ABCA13: variants seen among roughly 807,000 people sequenced by gnomAD.
ABCA13 encodes the protein ATP-binding cassette sub-family A member 13.
A neutral mutation model predicts 478.7 loss-of-function variants in ABCA13; 476 were observed. The ratio of observed to expected loss-of-function variants is 0.99; its 90% CI spans 0.92 to 1.07. The LOEUF (loss-of-function observed/expected upper bound fraction) is 1.07. ABCA13 is among the 50% of genes least tolerant of loss of function. The probability of loss-of-function intolerance (pLI) is 0.00; values close to 1 mark genes in which losing one functional copy is unlikely to be tolerated. For missense variants in ABCA13, 6,060 were observed against 5,910.6 expected, an observed-to-expected ratio of 1.03 and a Z score of -0.83; for synonymous variants, 2,252 against 2,158.9, an observed-to-expected ratio of 1.04 and a Z score of -1.20.
At chr7:48,595,599 T>C (rs529133095) in intron 58 of ABCA13, among the ~76,000 whole-genome samples, 8 of 152,226 alleles carry the variant, frequency 5.3e-5, no homozygotes, top group Non-Finnish European at 1.2e-4. Context: ...AAGACTTTAT[T>C]GCTCACAGCA....
intron 35 of ABCA13, among the ~76,000 whole-genome samples, chr7:48,382,787 A>G (rs1222536392): frequency 6.7e-6 from 1 of 149,178 alleles, no homozygotes. Flanking sequence ...GGTCATCTGT[A>G]CTAGAATGAA....
At chr7:48,219,100 A>T (rs1265062330) in intron 3 of ABCA13, among the ~76,000 whole-genome samples, 3 of 152,224 alleles carry the variant, frequency 2.0e-5, no homozygotes, top group Non-Finnish European at 4.4e-5. Context: ...TGGCTTATAA[A>T]CATAAAATGG....
chr7:48,576,723 C>T (rs1788223122), intron 55 of ABCA13, among the ~76,000 whole-genome samples: 1 of 151,854 alleles, frequency 6.6e-6, no homozygotes, highest in South Asian at 2.1e-4. Flanking sequence ...CTAGGCAAAC[C>T]CAAAGACAAC....
Position 48,279,956 on chromosome 7 carries a change from C to G in ABCA13, c.8726+36C>G, listed in dbSNP as rs1487243524. ...AGCTGAATTCACTTTGTTTTTTTCT[C>G]TACCGCAGTAGCTATAAAATAGAAC... On this transcript the variant is annotated intron_variant, in intron 18 of 61. Transcript: ENST00000435803. 4 of 1,491,126 alleles carry G rather than the reference C, an allele frequency of 2.7e-6. No individual in the cohort carries two copies. In the African/African-American group the frequency reaches 5.6e-5, roughly 21 times the overall value. 92.4% of individuals were successfully genotyped at this position (1,491,126 alleles called of 1,614,324 possible).
chr7:48,539,522 C>T (rs1334618758), intron 55 of ABCA13, among the ~76,000 whole-genome samples: 6 of 152,098 alleles, frequency 3.9e-5, no homozygotes, highest in Admixed American at 2.6e-4. Flanking sequence ...ACCCAGTTTT[C>T]ACAATAATCA....
chr7:48,374,396 T>C lies in ABCA13; in HGVS notation c.11183T>C (p.Phe3728Ser). 1 of 1,610,272 alleles carries C rather than the reference T, an allele frequency of 6.2e-7. No homozygotes were observed. Among genetic ancestry groups the C allele is most frequent in the Non-Finnish European group, 8.5e-7 (1 of 1,178,436 alleles). The change falls in exon 34 of 62, where the codon TTC (phenylalanine) becomes TCC (serine). Residue 3728 changes from phenylalanine (F) to serine (S), a missense_variant. Transcript: ENST00000435803. ...AFGQGVFFIT[F>S]LEGQETGIQW... ...GGACAAGGGGTATTTTTTATTACAT[T>C]CCTGGAAGGACAAGAGACAGGTAAG...
intron 3 of ABCA13, among the ~76,000 whole-genome samples, chr7:48,198,641 TCTTGA>T (rs1193721729): frequency 6.6e-6 from 1 of 152,218 alleles, no homozygotes; most frequent in African/African-American, 2.4e-5. Flanking sequence ...AGGTTAAAAC[TCTTGA>T]CTTCAAAATT....
intron 48 of ABCA13, among the ~76,000 whole-genome samples, chr7:48,490,740 T>C (rs1563343172): frequency 6.6e-6 from 1 of 152,230 alleles, no homozygotes; most frequent in Non-Finnish European, 1.5e-5. Context: ...AAAGATTGTT[T>C]AAGATCAAAT....
At chr7:48,368,675 G>A (rs1175932353) in intron 32 of ABCA13, among the ~76,000 whole-genome samples, 1 of 109,212 alleles carries the variant, frequency 9.2e-6, no homozygotes, top group African/African-American at 3.6e-5. Flanking sequence ...CATGGTGTGT[G>A]TGTGTGTATG....
chr7:48,181,542 T>G (rs968484731), intron 1 of ABCA13, among the ~76,000 whole-genome samples: 1 of 151,190 alleles, frequency 6.6e-6, no homozygotes, highest in African/African-American at 2.4e-5. Context: ...ACTTGTGAGT[T>G]GTATAATGTT....
chr7:48,620,413 C>T (rs796473267), intron 59 of ABCA13, among the ~76,000 whole-genome samples: 1 of 152,162 alleles, frequency 6.6e-6, no homozygotes, highest in Admixed American at 6.5e-5. Flanking sequence ...GTCTTAACTT[C>T]GTTTCTGCAG....
Position 48,210,341 on chromosome 7 carries a change from C to T in ABCA13, c.288-9013C>T, listed in dbSNP as rs571541264. On this transcript the variant is annotated intron_variant, in intron 3 of 61. Coordinates refer to ENST00000435803, the MANE Select transcript of ABCA13 (RefSeq NM_152701.5). Reference sequence around the variant, plus strand: ...GATCTAATTACCTCCCATGAAGTCCCTCCCACAACACATAGGGATTACAAT... The same window carrying T: ...GATCTAATTACCTCCCATGAAGTCCTTCCCACAACACATAGGGATTACAAT... Among the ~76,000 whole-genome samples, 16 of 152,260 alleles carry T rather than the reference C, an allele frequency of 1.1e-4. No homozygotes were observed. The East Asian group carries it at 2.9e-3, about 28-fold the overall frequency.
chr7:48,582,474 G>A (rs1266794049), intron 56 of ABCA13, among the ~76,000 whole-genome samples: 4 of 152,154 alleles, frequency 2.6e-5, no homozygotes, highest in Non-Finnish European at 5.9e-5. Flanking sequence ...AGAACTCATA[G>A]ATATGGGGGT....
chr7:48,433,176 A>G (rs1486552788), intron 42 of ABCA13, among the ~76,000 whole-genome samples: 1 of 151,976 alleles, frequency 6.6e-6, no homozygotes, highest in African/African-American at 2.4e-5. Context: ...ACATACATGT[A>G]AAATATCTTT....
intron 55 of ABCA13, among the ~76,000 whole-genome samples, chr7:48,576,579 G>A (rs1788210175): frequency 6.6e-6 from 1 of 152,150 alleles, no homozygotes; most frequent in Admixed American, 6.5e-5. Context: ...GGCTCTAGAA[G>A]ACTGAGACAT....
chr7:48,250,201 C>A (rs1297231552), intron 15 of ABCA13, among the ~76,000 whole-genome samples: 1 of 152,172 alleles, frequency 6.6e-6, no homozygotes, highest in Non-Finnish European at 1.5e-5. Context: ...AGCTTCTATG[C>A]CCTCTCCAGG....
intron 41 of ABCA13, among the ~76,000 whole-genome samples, chr7:48,426,210 A>C (rs1821404847): frequency 6.6e-6 from 1 of 152,200 alleles, no homozygotes; most frequent in Non-Finnish European, 1.5e-5. Flanking sequence ...AGTCTTACTG[A>C]GAATCAGCAA....
intron 5 of ABCA13, among the ~76,000 whole-genome samples, chr7:48,225,180 C>CCTTCCTTT (rs1394529250): frequency 8.7e-5 from 13 of 149,706 alleles, no homozygotes; most frequent in African/African-American, 2.9e-4. Flanking sequence ...TTCCTTCCTT[C>CCTTCCTTT]CTTCCTTCCT....
intron 41 of ABCA13, among the ~76,000 whole-genome samples, chr7:48,415,336 A>C (rs528409833): frequency 1.3e-4 from 20 of 152,226 alleles, no homozygotes; most frequent in East Asian, 7.7e-4. Flanking sequence ...GGGGTTATCG[A>C]GAGAAATTGT....
Sources: allele counts gnomAD v4.1 joint callset (sites outside exome capture counted in the v4.1 genomes callset), GRCh38; gene constraint gnomAD v4.1.1; transcripts MANE v1.5; gene names NCBI Gene and HGNC (gene_info 2026-07-23, HGNC 2026-07-21).